The following FILIP1 variants were observed in gnomAD, a reference collection of about 807,000 sequenced individuals.
FILIP1 encodes filamin A interacting protein 1, also known as filamin-A-interacting protein 1.
A neutral mutation model predicts 102.1 loss-of-function variants in FILIP1; 61 were observed. The ratio of observed to expected loss-of-function variants is 0.60; its 90% CI spans 0.49 to 0.74. The LOEUF (loss-of-function observed/expected upper bound fraction) is 0.74. Ranked by LOEUF, FILIP1 falls within the 30% of genes least tolerant of loss-of-function variation. The probability of loss-of-function intolerance (pLI) is 0.00; values close to 1 mark genes in which losing one functional copy is unlikely to be tolerated. For missense variants in FILIP1, 1,314 were observed against 1,441.2 expected, an observed-to-expected ratio of 0.91 and a Z score of 1.43; for synonymous variants, 491 against 526.9, an observed-to-expected ratio of 0.93 and a Z score of 0.93.
intron 2 of FILIP1, among the ~76,000 whole-genome samples, chr6:75,363,314 T>C (rs1319485569): frequency 1.3e-5 from 2 of 152,196 alleles, no homozygotes; most frequent in East Asian, 3.9e-4. Flanking sequence ...CAATGTAGTA[T>C]TCAAATCTGG....
At chr6:75,317,340 G>A (rs1440444598) in intron 4 of FILIP1, among the ~76,000 whole-genome samples, 1 of 152,034 alleles carries the variant, frequency 6.6e-6, no homozygotes, top group Non-Finnish European at 1.5e-5. Flanking sequence ...TTCCAATAAT[G>A]GAACACTAAT....
At chr6:75,455,776 C>T (rs1778809409) in intron 1 of FILIP1, among the ~76,000 whole-genome samples, 2 of 152,118 alleles carry the variant, frequency 1.3e-5, no homozygotes, top group African/African-American at 2.4e-5. Flanking sequence ...ATACATTTAC[C>T]TTTCAAATCA....
chr6:75,441,664 C>T (rs996465422), intron 1 of FILIP1, among the ~76,000 whole-genome samples: 3 of 146,364 alleles, frequency 2.0e-5, no homozygotes, highest in Admixed American at 6.7e-5. Context: ...GGGGGGCTGA[C>T]GCCCCCACCT....
intron 1 of FILIP1, among the ~76,000 whole-genome samples, chr6:75,440,962 AG>A (rs943529611): frequency 2.7e-5 from 4 of 150,588 alleles, no homozygotes; most frequent in Admixed American, 6.6e-5. Context: ...AAAAAAAAAA[AG>A]GTATGACCGA....
intron 2 of FILIP1, among the ~76,000 whole-genome samples, chr6:75,371,050 A>G (rs1243120313): frequency 6.6e-6 from 1 of 152,316 alleles, no homozygotes; most frequent in Non-Finnish European, 1.5e-5. Flanking sequence ...AACAGATTGA[A>G]AGAAAAAAAG....
At chr6:75,456,743 A>C (rs1355619368) in intron 1 of FILIP1, among the ~76,000 whole-genome samples, 5 of 152,066 alleles carry the variant, frequency 3.3e-5, no homozygotes, top group African/African-American at 1.2e-4. Flanking sequence ...TATTTTTAGT[A>C]GAGACGGGGT....
chr6:75,315,116 T>C lies in FILIP1; in HGVS notation c.716A>G (p.Glu239Gly), dbSNP rs539166309. The C allele has an allele frequency of 1.9e-6, 3 of 1,612,240 alleles. No individual in the cohort carries two copies. Among genetic ancestry groups the C allele is most frequent in the East Asian group, 4.5e-5 (2 of 44,866 alleles). Residue 239 changes from glutamate (E) to glycine (G), a missense_variant, in exon 5 of 6, where the codon GAG becomes GGG. Physicochemically the swap from Glu to Gly is moderately conservative, Grantham distance 98. Transcript: ENST00000237172. ...TGCAAAGGATTTGAGTTTAACAAGC[T>C]CATCTCTTAGTTTATTGAGTCGTTT... ...NAKRLNKLRD[E>G]LVKLKSFALM...
intron 4 of FILIP1, among the ~76,000 whole-genome samples, chr6:75,348,847 C>T (rs766795112): frequency 5.3e-5 from 8 of 152,162 alleles, no homozygotes; most frequent in African/African-American, 9.7e-5. Flanking sequence ...AAGCATCTAC[C>T]TTGACATTCT....
At chr6:75,403,561 G>A (rs1283802854) in intron 2 of FILIP1, among the ~76,000 whole-genome samples, 5 of 150,808 alleles carry the variant, frequency 3.3e-5, no homozygotes, top group Non-Finnish European at 7.4e-5. Flanking sequence ...GACTGGTACA[G>A]GAGGAAAGTA....
downstream of FILIP1, among the ~76,000 whole-genome samples, chr6:75,305,806 T>C (rs1296854311): frequency 2.6e-5 from 4 of 152,050 alleles, no homozygotes; most frequent in Non-Finnish European, 5.9e-5. Context: ...CTGAAGTCTG[T>C]GGAAATGGCC....
intron 1 of FILIP1, among the ~76,000 whole-genome samples, chr6:75,455,751 G>T (rs1028068199): frequency 6.6e-6 from 1 of 152,066 alleles, no homozygotes; most frequent in African/African-American, 2.4e-5. Flanking sequence ...TTCCATTCAA[G>T]GCTTTCTTAT....
chr6:75,448,726 C>A (rs1382749084), intron 1 of FILIP1, among the ~76,000 whole-genome samples: 1 of 152,056 alleles, frequency 6.6e-6, no homozygotes, highest in Non-Finnish European at 1.5e-5. Flanking sequence ...AAATGGCCAA[C>A]AAACATATGA....
chr6:75,426,038 T>G (rs544109930), intron 1 of FILIP1, among the ~76,000 whole-genome samples: 1 of 152,296 alleles, frequency 6.6e-6, no homozygotes, highest in African/African-American at 2.4e-5. Flanking sequence ...TCTACTCAAC[T>G]GTACTATTGT....
intron 4 of FILIP1, among the ~76,000 whole-genome samples, chr6:75,350,883 G>A (rs1438852913): frequency 6.6e-6 from 1 of 152,106 alleles, no homozygotes; most frequent in Non-Finnish European, 1.5e-5. Context: ...TTTGATTTTC[G>A]ATATTCTAAA....
chr6:75,384,449 T>C (rs145202954), intron 2 of FILIP1, among the ~76,000 whole-genome samples: 15 of 152,328 alleles, frequency 9.8e-5, no homozygotes, highest in Middle Eastern at 3.4e-3. Flanking sequence ...TCTTCTTCCA[T>C]CCTTCATTCC....
chr6:75,405,892 G>A (rs1029367291), intron 2 of FILIP1, among the ~76,000 whole-genome samples: 1 of 152,188 alleles, frequency 6.6e-6, no homozygotes, highest in Non-Finnish European at 1.5e-5. Flanking sequence ...GCTTTACAAG[G>A]AAGTTAAGTT....
At chr6:75,299,009 A>G (rs1193977647) in intron 6 of FILIP1, among the ~76,000 whole-genome samples, 1 of 79,068 alleles carries the variant, frequency 1.3e-5, no homozygotes, top group Admixed American at 1.5e-4. Context: ...GTTGCCAGCA[A>G]AAAAAAAAAT....
chr6:75,420,288 G>GA (rs933918764), intron 1 of FILIP1, among the ~76,000 whole-genome samples: 70 of 137,770 alleles, frequency 5.1e-4, no homozygotes, highest in South Asian at 1.3e-3. Flanking sequence ...AAAATTTCCA[G>GA]AAAAAAAAAA....
chr6:75,353,442 C>T (rs1016660718), intron 4 of FILIP1, 97 bp downstream of exon 4: 4 of 1,346,242 alleles, frequency 3.0e-6, no homozygotes, highest in Non-Finnish European at 4.1e-6. Flanking sequence ...CACCTGTCCA[C>T]GATGCCCCTG....
Sources: allele counts gnomAD v4.1 joint callset (sites outside exome capture counted in the v4.1 genomes callset), GRCh38; gene constraint gnomAD v4.1.1; transcripts MANE v1.5; gene names NCBI Gene and HGNC (gene_info 2026-07-23, HGNC 2026-07-21).